Variants in GLYATL2 observed in about 807,000 individuals in gnomAD.
GLYATL2 encodes glycine-N-acyltransferase like 2.
A neutral mutation model predicts 21.4 loss-of-function variants in GLYATL2; 25 were observed. The observed-to-expected ratio is 1.17, with a 90% CI of 0.85 to 1.63. GLYATL2 has a LOEUF of 1.63. Ranked by LOEUF, GLYATL2 falls within the 40% of genes most tolerant of loss-of-function variation. The pLI is 0.00. For missense variants in GLYATL2, 361 were observed against 343.3 expected (o/e 1.05, Z -0.41); for synonymous variants, 114 against 118.2 (o/e 0.96, Z 0.23).
At chr11:58,874,932 T>C (rs1004327644) in intron 1 of GLYATL2, among the ~76,000 whole-genome samples, 3 of 152,192 alleles carry the variant, frequency 2.0e-5, no homozygotes, top group African/African-American at 7.2e-5. Context: ...CTAAGTCTCT[T>C]TGTAGGTCAC....
rs747928053 is a variant in GLYATL2, at chr11:58,837,407, C to T, written c.187-10G>A. On this transcript the variant is annotated splice_polypyrimidine_tract_variant and intron_variant, in intron 3 of 5. Coordinates refer to ENST00000287275, the MANE Select transcript of GLYATL2 (RefSeq NM_145016.4). ...GGTCATCTTTCATCTCCTGATATAA[C>T]AAATATCAATTATATTTACATAGCG... 5 of 1,606,886 alleles carry T rather than the reference C, an allele frequency of 3.1e-6. 1 individual carries two copies. Among genetic ancestry groups the T allele is most frequent in the Non-Finnish European group, 4.3e-6 (5 of 1,173,910 alleles).
At chr11:58,856,418 A>T (rs183925285) in intron 1 of GLYATL2, among the ~76,000 whole-genome samples, 2 of 152,196 alleles carry the variant, frequency 1.3e-5, no homozygotes, top group Admixed American at 6.5e-5. Flanking sequence ...AATTTCCTTC[A>T]AAGATTTTTC....
chr11:58,874,839 A>G (rs2134606249), intron 1 of GLYATL2, among the ~76,000 whole-genome samples: 1 of 152,184 alleles, frequency 6.6e-6, no homozygotes, highest in East Asian at 1.9e-4. Context: ...ATTCCTGGGT[A>G]TCCTTGTTGA....
intron 1 of GLYATL2, among the ~76,000 whole-genome samples, chr11:58,868,655 T>A (rs1854059818): frequency 6.7e-6 from 1 of 149,080 alleles, no homozygotes; most frequent in Non-Finnish European, 1.5e-5. Flanking sequence ...AGGAACACTT[T>A]GGCTTGGCGG....
rs917754434 is a variant in GLYATL2, at chr11:58,891,647, C to A, written n.60+12509G>T. ...TACAGATTCTAGGTGTCTGGTGAAA[C>A]AGTAGGCACTAAAAATTAGAGAAAT... On this transcript the variant is annotated intron_variant and non_coding_transcript_variant, in intron 1 of 4. Transcript: ENST00000533636. Among the ~76,000 whole-genome samples the A allele has an allele frequency of 2.6e-5, 4 of 152,164 alleles. No individual in the cohort carries two copies. The East Asian group carries it at 7.7e-4, about 29-fold the overall frequency.
At chr11:58,843,809 G>T (rs1853595325) in intron 1 of GLYATL2, among the ~76,000 whole-genome samples, 1 of 152,166 alleles carries the variant, frequency 6.6e-6, no homozygotes, top group South Asian at 2.1e-4. Flanking sequence ...AGGTAGATCA[G>T]TTTGGGATGT....
intron 1 of GLYATL2, among the ~76,000 whole-genome samples, chr11:58,843,374 T>C (rs1853587148): frequency 6.6e-6 from 1 of 152,130 alleles, no homozygotes; most frequent in East Asian, 1.9e-4. Flanking sequence ...AAGAGTGGAC[T>C]AGAATTAGCA....
intron 1 of GLYATL2, among the ~76,000 whole-genome samples, chr11:58,901,000 T>C (rs1451593548): frequency 1.3e-5 from 2 of 152,094 alleles, no homozygotes; most frequent in African/African-American, 4.8e-5. Flanking sequence ...CGCGGGAATA[T>C]ACCAAACGCG....
intron 1 of GLYATL2, among the ~76,000 whole-genome samples, chr11:58,873,356 C>T (rs929550534): frequency 3.9e-5 from 6 of 152,088 alleles, no homozygotes. Flanking sequence ...GCATCCCTGT[C>T]TTGTGCCAGT....
chr11:58,901,697 T>G (rs1023719804), intron 1 of GLYATL2, among the ~76,000 whole-genome samples: 2 of 152,046 alleles, frequency 1.3e-5, no homozygotes, highest in Admixed American at 6.5e-5. Context: ...CAACTAGTCC[T>G]GTGACCTCTA....
chr11:58,872,815 T>A (rs1029699852), intron 1 of GLYATL2, among the ~76,000 whole-genome samples: 2 of 152,276 alleles, frequency 1.3e-5, no homozygotes, highest in African/African-American at 2.4e-5. Context: ...TTTCCAATTC[T>A]GTGAAGAAAG....
chr11:58,873,365 GT>G (rs1216741286), intron 1 of GLYATL2, among the ~76,000 whole-genome samples: 1 of 152,068 alleles, frequency 6.6e-6, no homozygotes, highest in Non-Finnish European at 1.5e-5. Flanking sequence ...TCTTGTGCCA[GT>G]TTTCAAAGGG....
rs201500483 is a variant in GLYATL2, at chr11:58,837,113, A to G, written c.378T>C (p.Asp126=). ...GTATAAAGAGGATGGTTTTCATGTA[A>G]TCTACCTGCACTGATTTTGAAGTTG... ...KVATSKSVQV[D]YMKTILFIPE... is the part of the protein sequence containing the mutation. The change falls in exon 5 of 6, where the codon GAT becomes GAC. Residue 126 remains aspartate, a synonymous_variant. Transcript: ENST00000287275. 17 of 1,613,980 alleles carry G rather than the reference A, an allele frequency of 1.1e-5. No individual in the cohort carries two copies. Among genetic ancestry groups the G allele is most frequent in the Non-Finnish European group, 1.4e-5 (17 of 1,179,888 alleles).
At chr11:58,874,190 A>C (rs193282618) in intron 1 of GLYATL2, among the ~76,000 whole-genome samples, 7 of 151,894 alleles carry the variant, frequency 4.6e-5, no homozygotes, top group African/African-American at 1.4e-4. Context: ...TTTTCTTCTT[A>C]TTAGTCTTGC....
At chr11:58,850,693 G>C (rs1321797960) in intron 1 of GLYATL2, among the ~76,000 whole-genome samples, 1 of 151,812 alleles carries the variant, frequency 6.6e-6, no homozygotes, top group Non-Finnish European at 1.5e-5. Context: ...TGGTCTAGCG[G>C]TAGCATCAGT....
At position 58,834,309 on chromosome 11, in the gene GLYATL2, A is replaced by T; in HGVS notation, c.*120T>A. 1.3e-6 allele frequency: 1 copy of T among 740,912 alleles called. No individual in the cohort carries two copies. Among genetic ancestry groups the T allele is most frequent in the South Asian group, 2.2e-5 (1 of 44,918 alleles). 45.9% of individuals were successfully genotyped at this position (740,912 alleles called of 1,614,324 possible). On this transcript the variant is annotated 3_prime_UTR_variant, in exon 6 of 6. Coordinates refer to ENST00000287275, the MANE Select transcript of GLYATL2 (RefSeq NM_145016.4). Reference sequence around the variant, plus strand: ...AGGTAAAACTGTTAAGGGTGAGCTTAAGTAATACACAGATCCTAGATAATC... The same window carrying T: ...AGGTAAAACTGTTAAGGGTGAGCTTTAGTAATACACAGATCCTAGATAATC...
In GLYATL2 at chr11:58,835,799, C is replaced by A. The variant is rs145183559; in HGVS notation, c.477-962G>T. On this transcript the variant is annotated intron_variant, in intron 5 of 5. Coordinates refer to ENST00000287275, the MANE Select transcript of GLYATL2 (RefSeq NM_145016.4). ...TATCCATGTAGGCTTAGAGGAATCA[C>A]CTTAGGGCAGGTATTTCATGCCAGA... 3.0e-3 allele frequency among the ~76,000 whole-genome samples: 458 copies of A among 152,222 alleles called. 1 individual carries two copies. The highest frequency in any genetic ancestry group is 0.027 in the Middle Eastern group (8 of 294).
intron 1 of GLYATL2, among the ~76,000 whole-genome samples, chr11:58,900,580 A>G (rs1854719175): frequency 6.6e-6 from 1 of 152,166 alleles, no homozygotes; most frequent in Non-Finnish European, 1.5e-5. Context: ...TAAAAACTCT[A>G]AAAACCCAGC....
intron 1 of GLYATL2, among the ~76,000 whole-genome samples, chr11:58,888,769 GT>G (rs1375233606): frequency 6.6e-6 from 1 of 151,738 alleles, no homozygotes; most frequent in African/African-American, 2.4e-5. Flanking sequence ...ATTATGCAAT[GT>G]ATGCAATTGC....
Sources: gnomAD v4.1 joint callset for allele counts (sites outside exome capture counted in the v4.1 genomes callset) on GRCh38, gnomAD v4.1.1 for gene constraint, MANE v1.5 for transcripts, NCBI Gene and HGNC (gene_info 2026-07-23, HGNC 2026-07-21) for gene names.